The following SORCS1 variants were observed in gnomAD, a reference collection of about 807,000 sequenced individuals.
SORCS1 encodes sortilin related VPS10 domain containing receptor 1, also known as VPS10 domain-containing receptor SorCS1.
In SORCS1, 60 loss-of-function variants were observed where a neutral mutation model predicts 146.1. The observed-to-expected ratio is 0.41, with a 90% CI of 0.33 to 0.51. SORCS1 has a LOEUF of 0.51. Ranked by LOEUF, SORCS1 falls within the 20% of genes least tolerant of loss-of-function variation. The probability of loss-of-function intolerance (pLI) is 0.21; values close to 1 mark genes in which losing one functional copy is unlikely to be tolerated. For missense variants in SORCS1, 1,352 were observed against 1,487.6 expected, an observed-to-expected ratio of 0.91 and a Z score of 1.50; for synonymous variants, 637 against 584.0, an observed-to-expected ratio of 1.09 and a Z score of -1.31.
intron 1 of SORCS1, among the ~76,000 whole-genome samples, chr10:107,061,069 A>G (rs1272698575): frequency 6.6e-6 from 1 of 152,214 alleles, no homozygotes; most frequent in Non-Finnish European, 1.5e-5. Context: ...GATGTATTCC[A>G]TCAAGAAAAA....
intron 4 of SORCS1, among the ~76,000 whole-genome samples, chr10:106,770,493 A>G (rs1471638625): frequency 3.3e-5 from 5 of 152,136 alleles, no homozygotes; most frequent in Admixed American, 1.3e-4. Flanking sequence ...AAAAAAAAAA[A>G]AAATTAACAT....
At chr10:106,836,474 CAAAAAA>C (rs68181690) in intron 2 of SORCS1, among the ~76,000 whole-genome samples, 6 of 77,792 alleles carry the variant, frequency 7.7e-5, no homozygotes, top group African/African-American at 2.2e-4. Flanking sequence ...GACTCGGTCT[CAAAAAA>C]AAAAAAAAAA....
intron 5 of SORCS1, among the ~76,000 whole-genome samples, chr10:106,746,881 T>C (rs1333064628): frequency 1.3e-5 from 2 of 152,186 alleles, no homozygotes; most frequent in Non-Finnish European, 2.9e-5. Flanking sequence ...GACTACTCAA[T>C]TACTCAGGAA....
At chr10:107,078,962 A>G (rs1423375016) in intron 1 of SORCS1, among the ~76,000 whole-genome samples, 1 of 152,152 alleles carries the variant, frequency 6.6e-6, no homozygotes, top group Non-Finnish European at 1.5e-5. Flanking sequence ...ACGGTGGCTC[A>G]GGCCTGTAAT....
chr10:106,958,665 G>T (rs1043964948), intron 1 of SORCS1, among the ~76,000 whole-genome samples: 4 of 137,870 alleles, frequency 2.9e-5, no homozygotes, highest in Non-Finnish European at 6.7e-5. Context: ...TTCCTTCCAG[G>T]TCCTGTTCAA....
intron 2 of SORCS1, among the ~76,000 whole-genome samples, chr10:106,889,884 C>CAAAAAA (rs1324508204): frequency 6.6e-5 from 5 of 75,478 alleles, no homozygotes; most frequent in African/African-American, 4.9e-4. Context: ...GACTACGTCT[C>CAAAAAA]AAATAAAAAA....
chr10:106,755,030 T>C (rs970203066), intron 5 of SORCS1, among the ~76,000 whole-genome samples: 1 of 152,248 alleles, frequency 6.6e-6, no homozygotes, highest in Non-Finnish European at 1.5e-5. Context: ...TAATGAGAAA[T>C]GCCTTCCATT....
intron 2 of SORCS1, among the ~76,000 whole-genome samples, chr10:106,858,882 T>C (rs1319651383): frequency 1.3e-5 from 2 of 152,246 alleles, no homozygotes; most frequent in Non-Finnish European, 2.9e-5. Context: ...ATCCTTCTTA[T>C]ACAAACACAC....
At chr10:107,076,516 G>C (rs904828537) in intron 1 of SORCS1, among the ~76,000 whole-genome samples, 2 of 152,070 alleles carry the variant, frequency 1.3e-5, no homozygotes, top group Non-Finnish European at 2.9e-5. Flanking sequence ...AACACACAAT[G>C]TTTAAACAAA....
At chr10:106,821,561 A>G (rs917571971) in intron 3 of SORCS1, among the ~76,000 whole-genome samples, 3 of 152,270 alleles carry the variant, frequency 2.0e-5, no homozygotes, top group Non-Finnish European at 2.9e-5. Context: ...TGTGATAGAC[A>G]TAACACTTAC....
At chr10:106,736,516 G>A (rs1452593974) in intron 5 of SORCS1, among the ~76,000 whole-genome samples, 1 of 150,072 alleles carries the variant, frequency 6.7e-6, no homozygotes, top group African/African-American at 2.5e-5. Context: ...GACATACCTT[G>A]GTTTCCTCTC....
intron 1 of SORCS1, among the ~76,000 whole-genome samples, chr10:107,155,894 G>A (rs1289528791): frequency 6.6e-6 from 1 of 152,144 alleles, no homozygotes; most frequent in Non-Finnish European, 1.5e-5. Context: ...TACACGTTGT[G>A]CACACTGTCA....
At chr10:106,935,275 A>G (rs1953653374) in intron 2 of SORCS1, among the ~76,000 whole-genome samples, 1 of 152,164 alleles carries the variant, frequency 6.6e-6, no homozygotes, top group Admixed American at 6.5e-5. Flanking sequence ...TTTACTCTTC[A>G]CTGTAACCTA....
chr10:106,871,486 C>T (rs2137579266), intron 2 of SORCS1, among the ~76,000 whole-genome samples: 1 of 152,330 alleles, frequency 6.6e-6, no homozygotes, highest in East Asian at 1.9e-4. Flanking sequence ...GACATGGAAT[C>T]AACCTAAATG....
chr10:107,160,249 A>C (rs1969601272), intron 1 of SORCS1, among the ~76,000 whole-genome samples: 1 of 152,220 alleles, frequency 6.6e-6, no homozygotes, highest in Non-Finnish European at 1.5e-5. Flanking sequence ...CCTACTTTAA[A>C]GTCCATTGAA....
At chr10:106,803,810 G>C (rs1947031803) in intron 3 of SORCS1, among the ~76,000 whole-genome samples, 1 of 152,264 alleles carries the variant, frequency 6.6e-6, no homozygotes, top group South Asian at 2.1e-4. Context: ...CTTCTCCCTG[G>C]CTCCCAATCT....
intron 17 of SORCS1, among the ~76,000 whole-genome samples, chr10:106,663,624 C>G (rs1263566612): frequency 6.6e-6 from 1 of 152,158 alleles, no homozygotes; most frequent in Non-Finnish European, 1.5e-5. Context: ...TGGTGAGGGG[C>G]TGAAGTGACA....
chr10:106,974,086 G>A (rs923177858), intron 1 of SORCS1, among the ~76,000 whole-genome samples: 1 of 152,186 alleles, frequency 6.6e-6, no homozygotes, highest in Admixed American at 6.5e-5. Context: ...TACATTTGAT[G>A]TTATGACTAG....
intron 2 of SORCS1, among the ~76,000 whole-genome samples, chr10:106,939,084 A>G (rs822077): frequency 0.27 from 40,981 of 152,142 alleles, 5,815 homozygotes; most frequent in Middle Eastern, 0.35. Flanking sequence ...AATTGGGAGA[A>G]GGGCAATACC....
Sources: allele counts gnomAD v4.1 joint callset (sites outside exome capture counted in the v4.1 genomes callset), GRCh38; gene constraint gnomAD v4.1.1; transcripts MANE v1.5; gene names NCBI Gene and HGNC (gene_info 2026-07-23, HGNC 2026-07-21).